The following B3GALT1 variants were observed in gnomAD, a reference collection of about 807,000 sequenced individuals.
B3GALT1 encodes beta-1,3-galactosyltransferase 1.
A neutral mutation model predicts 23.2 loss-of-function variants in B3GALT1; 10 were observed. The ratio of observed to expected loss-of-function variants is 0.43; its 90% CI spans 0.27 to 0.73. The LOEUF (loss-of-function observed/expected upper bound fraction) is 0.73. B3GALT1 is among the 30% of genes least tolerant of loss of function. The pLI is 0.21. For synonymous variants in B3GALT1, 156 were observed against 141.5 expected, an observed-to-expected ratio of 1.10 and a Z score of -0.73; for missense variants, 299 against 405.4, an observed-to-expected ratio of 0.74 and a Z score of 2.25.
intron 2 of B3GALT1, among the ~76,000 whole-genome samples, chr2:167,559,015 T>C (rs1683910435): frequency 6.6e-6 from 1 of 152,136 alleles, no homozygotes. Context: ...CTCAAGTGGG[T>C]CCCTGACCCA....
intron 3 of B3GALT1, among the ~76,000 whole-genome samples, chr2:167,740,150 T>C (rs1687557854): frequency 6.6e-6 from 1 of 150,620 alleles, no homozygotes; most frequent in South Asian, 2.1e-4. Context: ...AGAAAAGAAA[T>C]TCTACTAGAG....
chr2:167,550,988 A>G (rs1683733623), intron 2 of B3GALT1, among the ~76,000 whole-genome samples: 1 of 152,126 alleles, frequency 6.6e-6, no homozygotes, highest in Admixed American at 6.5e-5. Context: ...TGATCCTGCC[A>G]TCCCCCACGG....
intron 3 of B3GALT1, among the ~76,000 whole-genome samples, chr2:167,776,203 A>G (rs1315418776): frequency 6.6e-6 from 1 of 152,148 alleles, no homozygotes; most frequent in East Asian, 1.9e-4. Flanking sequence ...CAATTAACAT[A>G]ACTTGAAGAT....
chr2:167,301,402 G>C (rs1174419990), intron 1 of B3GALT1, among the ~76,000 whole-genome samples: 1 of 152,138 alleles, frequency 6.6e-6, no homozygotes, highest in East Asian at 1.9e-4. Flanking sequence ...TACTTTTTCT[G>C]ATCATGTTTC....
At chr2:167,520,954 C>G (rs1700178770) in intron 2 of B3GALT1, among the ~76,000 whole-genome samples, 1 of 151,882 alleles carries the variant, frequency 6.6e-6, no homozygotes, top group African/African-American at 2.4e-5. Context: ...CATTGATCCT[C>G]TTCAATTAGG....
At chr2:167,363,882 G>T (rs1424711181) in intron 1 of B3GALT1, among the ~76,000 whole-genome samples, 2 of 152,052 alleles carry the variant, frequency 1.3e-5, no homozygotes, top group Admixed American at 1.3e-4. Flanking sequence ...TAACAGGCTG[G>T]GTGCAATGGC....
At chr2:167,420,021 A>G (rs188259407) in intron 1 of B3GALT1, among the ~76,000 whole-genome samples, 34 of 152,212 alleles carry the variant, frequency 2.2e-4, no homozygotes, top group Middle Eastern at 3.4e-3. Flanking sequence ...GATCCCTCTT[A>G]TAAGATTAGT....
intron 3 of B3GALT1, among the ~76,000 whole-genome samples, chr2:167,744,831 G>A (rs1352017276): frequency 4.0e-5 from 6 of 151,790 alleles, no homozygotes; most frequent in Non-Finnish European, 8.8e-5. Context: ...CTCGTGATCC[G>A]CCTGCCTCGG....
At chr2:167,601,196 A>G (rs1158105900) in intron 2 of B3GALT1, among the ~76,000 whole-genome samples, 1 of 152,122 alleles carries the variant, frequency 6.6e-6, no homozygotes, top group Non-Finnish European at 1.5e-5. Context: ...AGTAGCTGGA[A>G]TTACAGGCAC....
rs1448418640 is a variant in B3GALT1, at chr2:167,512,555, T to C, written c.-410+22278T>C. ...GTGTGTATATATATATGTATATATA[T>C]GTATATATATATGTATATATATATG... On this transcript the variant is annotated intron_variant, in intron 2 of 4. Coordinates refer to ENST00000392690, the MANE Select transcript of B3GALT1 (RefSeq NM_020981.4). Among the ~76,000 whole-genome samples the C allele has an allele frequency of 2.8e-4, 25 of 90,730 alleles. No individual in the cohort carries two copies. In the South Asian group the frequency reaches 4.0e-3, roughly 15 times the overall value. 59.5% of individuals were successfully genotyped at this position (90,730 alleles called of 152,430 possible).
intron 1 of B3GALT1, among the ~76,000 whole-genome samples, chr2:167,299,983 A>G (rs1696419776): frequency 6.6e-6 from 1 of 151,806 alleles, no homozygotes; most frequent in South Asian, 2.1e-4. Context: ...GCTCACTGCA[A>G]CCTCTTCCTC....
chr2:167,844,688 A>C (rs190387470), intron 4 of B3GALT1, among the ~76,000 whole-genome samples: 6 of 152,324 alleles, frequency 3.9e-5, no homozygotes, highest in African/African-American at 1.4e-4. Flanking sequence ...AACTCCACAG[A>C]AAGAAAGAAA....
At chr2:167,453,902 A>C (rs1357946215) in intron 1 of B3GALT1, among the ~76,000 whole-genome samples, 3 of 152,232 alleles carry the variant, frequency 2.0e-5, no homozygotes, top group Non-Finnish European at 4.4e-5. Flanking sequence ...CTAAAGTAAC[A>C]GCTGTAATTT....
At chr2:167,389,738 C>A (rs2105281624) in intron 1 of B3GALT1, among the ~76,000 whole-genome samples, 1 of 151,888 alleles carries the variant, frequency 6.6e-6, no homozygotes, top group East Asian at 1.9e-4. Context: ...AAGAGGATGG[C>A]CAGGTGAATT....
At chr2:167,669,097 T>A (rs146579146) in intron 3 of B3GALT1, among the ~76,000 whole-genome samples, 222 of 152,304 alleles carry the variant, frequency 1.5e-3, no homozygotes, top group African/African-American at 5.0e-3. Context: ...ACATGTAGCT[T>A]CTAATATATT....
chr2:167,622,516 A>G (rs1475616279), intron 2 of B3GALT1, among the ~76,000 whole-genome samples: 2 of 152,224 alleles, frequency 1.3e-5, no homozygotes, highest in Admixed American at 6.6e-5. Flanking sequence ...AGGAAATTGT[A>G]TCTGCAGCTT....
chr2:167,816,688 G>A (rs1171593712), intron 3 of B3GALT1, among the ~76,000 whole-genome samples: 3 of 152,092 alleles, frequency 2.0e-5, no homozygotes, highest in Non-Finnish European at 4.4e-5. Flanking sequence ...CAAAAGCAAG[G>A]AAATGTTTTA....
chr2:167,714,993 G>A (rs1038728603), intron 3 of B3GALT1: 5 of 1,611,556 alleles, frequency 3.1e-6, no homozygotes, highest in Non-Finnish European at 4.2e-6. Context: ...TGTTGAGTCT[G>A]AAGATTTTTA....
At position 167,406,986 on chromosome 2, in the gene B3GALT1, AAT is replaced by A. The variant is rs1698290715; in HGVS notation, c.-510-83189_-510-83188del. Among the ~76,000 whole-genome samples the A allele has an allele frequency of 5.3e-5, 8 of 152,296 alleles. 1 individual carries two copies. The South Asian group carries it at 1.4e-3, about 28-fold the overall frequency. On this transcript the variant is annotated intron_variant, in intron 1 of 4. Transcript: ENST00000392690. ...GGAGTTTAAACGACATACCCTATCT[AAT>A]AGGCCAAACTGGCATTTATGGAACA... is the stretch of plus-strand genomic sequence containing the variant.
Sources: gnomAD v4.1 joint callset for allele counts (sites outside exome capture counted in the v4.1 genomes callset) on GRCh38, gnomAD v4.1.1 for gene constraint, MANE v1.5 for transcripts, NCBI Gene and HGNC (gene_info 2026-07-23, HGNC 2026-07-21) for gene names.